The following SH3PXD2A variants were observed in gnomAD, a reference collection of about 807,000 sequenced individuals.
SH3PXD2A encodes SH3 and PX domain-containing protein 2A.
SH3PXD2A carries 32 observed loss-of-function variants against 115.2 expected under a neutral mutation model. The observed-to-expected ratio is 0.28, with a 90% CI of 0.21 to 0.37. The LOEUF is 0.37. Ranked by LOEUF, SH3PXD2A falls within the 10% of genes least tolerant of loss-of-function variation. The pLI, the probability that SH3PXD2A is intolerant of heterozygous loss-of-function variation, is 1.00. For missense variants in SH3PXD2A, 1,328 were observed against 1,498.7 expected, an observed-to-expected ratio of 0.89 and a Z score of 1.88; for synonymous variants, 610 against 629.1, an observed-to-expected ratio of 0.97 and a Z score of 0.45.
chr10:103,819,219 G>C (rs965675383), intron 1 of SH3PXD2A, among the ~76,000 whole-genome samples: 1 of 152,242 alleles, frequency 6.6e-6, no homozygotes, highest in Non-Finnish European at 1.5e-5. Flanking sequence ...AGAAAGAGCA[G>C]TACTAAGGGA....
chr10:103,769,180 G>A (rs2038791278), intron 2 of SH3PXD2A, among the ~76,000 whole-genome samples: 2 of 140,818 alleles, frequency 1.4e-5, no homozygotes, highest in Admixed American at 1.4e-4. Flanking sequence ...GTGTGTGTGT[G>A]TGCGCGCGCG....
At chr10:103,640,069 T>A (rs1315988633) in intron 8 of SH3PXD2A, among the ~76,000 whole-genome samples, 1 of 151,916 alleles carries the variant, frequency 6.6e-6, no homozygotes. Context: ...AATCCCAGCA[T>A]TTTGGGAGGC....
chr10:103,673,863 T>C (rs2037495495), intron 6 of SH3PXD2A, among the ~76,000 whole-genome samples: 1 of 152,182 alleles, frequency 6.6e-6, no homozygotes, highest in Non-Finnish European at 1.5e-5. Context: ...GCAGGGTCAC[T>C]AGCCTTGTCA....
chr10:103,726,926 C>T (rs1297383864), intron 4 of SH3PXD2A, among the ~76,000 whole-genome samples: 1 of 152,120 alleles, frequency 6.6e-6, no homozygotes, highest in Non-Finnish European at 1.5e-5. Flanking sequence ...CTCCAAGGGT[C>T]TCTGAAATAA....
chr10:103,630,745 T>TA (rs57562821), intron 8 of SH3PXD2A, among the ~76,000 whole-genome samples: 52,276 of 117,090 alleles, frequency 0.45, 12,649 homozygotes, highest in South Asian at 0.6. Context: ...TCCCTTCTCT[T>TA]AAAAAAAAAA....
intron 8 of SH3PXD2A, among the ~76,000 whole-genome samples, chr10:103,654,439 G>C (rs1459797338): frequency 6.6e-6 from 1 of 152,168 alleles, no homozygotes; most frequent in Non-Finnish European, 1.5e-5. Context: ...CCACAAGAGA[G>C]AAACTGGCCC....
At chr10:103,699,549 G>A (rs2037866766) in intron 5 of SH3PXD2A, among the ~76,000 whole-genome samples, 1 of 152,228 alleles carries the variant, frequency 6.6e-6, no homozygotes, top group African/African-American at 2.4e-5. Flanking sequence ...ACCAAGTGAG[G>A]AAGGTCTGAG....
intron 1 of SH3PXD2A, among the ~76,000 whole-genome samples, chr10:103,829,098 C>T (rs1009075878): frequency 1.3e-5 from 2 of 152,260 alleles, no homozygotes; most frequent in Non-Finnish European, 2.9e-5. Flanking sequence ...AATATTTGGC[C>T]TTTTCCATAA....
At chr10:103,828,089 A>AGAGAG (rs1228801100) in intron 1 of SH3PXD2A, among the ~76,000 whole-genome samples, 7 of 152,170 alleles carry the variant, frequency 4.6e-5, no homozygotes, top group South Asian at 2.1e-4. Flanking sequence ...ATCTTTTGGG[A>AGAGAG]GAGAGGAAAG....
At chr10:103,637,505 C>T (rs1025565174) in intron 8 of SH3PXD2A, among the ~76,000 whole-genome samples, 3 of 152,112 alleles carry the variant, frequency 2.0e-5, no homozygotes, top group Non-Finnish European at 4.4e-5. Context: ...ACAGGCCCTG[C>T]CTCAAACTCC....
chr10:103,668,826 G>T (rs568665798), intron 6 of SH3PXD2A, among the ~76,000 whole-genome samples, 174 bp from the exon 7 acceptor site: 2 of 152,388 alleles, frequency 1.3e-5, no homozygotes, highest in South Asian at 4.1e-4. Context: ...GCTGTTGGGC[G>T]TGGGCCCGTG....
At chr10:103,789,771 A>T (rs1342493217) in intron 2 of SH3PXD2A, among the ~76,000 whole-genome samples, 1 of 152,220 alleles carries the variant, frequency 6.6e-6, no homozygotes, top group Non-Finnish European at 1.5e-5. Context: ...CTGCAACTGC[A>T]TTCCAACGCC....
intron 4 of SH3PXD2A, among the ~76,000 whole-genome samples, chr10:103,730,172 C>T (rs1388166111): frequency 5.3e-5 from 8 of 151,866 alleles, no homozygotes; most frequent in African/African-American, 1.9e-4. Context: ...CAGGTGCCCA[C>T]TCTTTACACA....
At chr10:103,751,917 C>T (rs749910194) in intron 3 of SH3PXD2A, among the ~76,000 whole-genome samples, 6 of 152,146 alleles carry the variant, frequency 3.9e-5, no homozygotes, top group Admixed American at 2.0e-4. Flanking sequence ...GCTGCCCAGC[C>T]GGTATTCATG....
At chr10:103,681,767 C>G (rs567031138) in intron 6 of SH3PXD2A, among the ~76,000 whole-genome samples, 1 of 152,084 alleles carries the variant, frequency 6.6e-6, no homozygotes, top group African/African-American at 2.4e-5. Context: ...CCCGCGCGCG[C>G]GCGCGCACAC....
At chr10:103,838,342 C>T (rs934997940) in intron 1 of SH3PXD2A, among the ~76,000 whole-genome samples, 17 of 152,204 alleles carry the variant, frequency 1.1e-4, no homozygotes, top group South Asian at 2.1e-4. Flanking sequence ...TTGCCATCAT[C>T]GGCATTTAAT....
At chr10:103,699,639 G>A (rs1170496449) in intron 5 of SH3PXD2A, among the ~76,000 whole-genome samples, 2 of 152,188 alleles carry the variant, frequency 1.3e-5, no homozygotes, top group Non-Finnish European at 2.9e-5. Flanking sequence ...GCCCCTAGCT[G>A]GGTTTTTGTT....
At chr10:103,836,311 C>T (rs1332691657) in intron 1 of SH3PXD2A, among the ~76,000 whole-genome samples, 1 of 152,192 alleles carries the variant, frequency 6.6e-6, no homozygotes, top group African/African-American at 2.4e-5. Flanking sequence ...ATTACACACA[C>T]ACACATCCTC....
At chr10:103,838,746 G>A (rs1381044699) in intron 1 of SH3PXD2A, among the ~76,000 whole-genome samples, 2 of 152,194 alleles carry the variant, frequency 1.3e-5, no homozygotes, top group African/African-American at 2.4e-5. Flanking sequence ...ACCAGGCATC[G>A]GTGTGCCCAC....
Sources: allele counts gnomAD v4.1 joint callset (sites outside exome capture counted in the v4.1 genomes callset), GRCh38; gene constraint gnomAD v4.1.1; transcripts MANE v1.5; gene names NCBI Gene and HGNC (gene_info 2026-07-23, HGNC 2026-07-21).